The following ZNG1F variants were observed in gnomAD, a reference collection of about 807,000 sequenced individuals.
The protein encoded by ZNG1F is zinc-regulated GTPase metalloprotein activator 1F.
the ZNG1F span, among the ~76,000 whole-genome samples, chr9:41,160,569 CCCA>C: frequency 2.8e-5 from 4 of 142,070 alleles, no homozygotes; most frequent in Non-Finnish European, 6.2e-5. Flanking sequence ...ACTACAGGCG[CCCA>C]CCACCAGGCT....
chr9:41,195,476 G>A, the ZNG1F span, among the ~76,000 whole-genome samples: 2 of 96,574 alleles, frequency 2.1e-5, no homozygotes, highest in Admixed American at 1.3e-4. Flanking sequence ...ATGTTTTTAG[G>A]GGCTGTGACA....
chr9:41,164,181 T>C, the ZNG1F span: 1 of 28,922 alleles, frequency 3.5e-5, no homozygotes, highest in African/African-American at 7.1e-5. Context: ...CTCAAAGCAT[T>C]GTACACATTA....
the ZNG1F span, among the ~76,000 whole-genome samples, chr9:41,140,885 C>T: frequency 6.7e-6 from 1 of 149,988 alleles, no homozygotes; most frequent in Non-Finnish European, 1.5e-5. Context: ...GCCACCATGC[C>T]TGGCTAATTT....
At chr9:41,138,884 C>CT in the ZNG1F span, among the ~76,000 whole-genome samples, 62 of 132,338 alleles carry the variant, frequency 4.7e-4, 7 homozygotes, top group South Asian at 1.1e-3. Flanking sequence ...CTTCTTGTAT[C>CT]TTTTTTTTTT....
At chr9:41,195,089 C>T in the ZNG1F span, 29 of 55,624 alleles carry the variant, frequency 5.2e-4, no homozygotes, top group African/African-American at 1.7e-3. Context: ...ATTTTTGCAA[C>T]TTCCTGCAAA....
chr9:41,193,824 C>G, the ZNG1F span, among the ~76,000 whole-genome samples: 944 of 150,182 alleles, frequency 6.3e-3, no homozygotes, highest in African/African-American at 0.023. Flanking sequence ...TGCTTGAACC[C>G]GAAAGGTGAG....
At chr9:41,187,542 T>C in the ZNG1F span, among the ~76,000 whole-genome samples, 6 of 148,248 alleles carry the variant, frequency 4.0e-5, no homozygotes, top group African/African-American at 7.5e-5. Flanking sequence ...TTTTAACCCA[T>C]AGGGACGCCA....
chr9:41,172,044 G>T, the ZNG1F span: 1 of 75,624 alleles, frequency 1.3e-5, no homozygotes, highest in South Asian at 6.6e-5. Context: ...TAGGACCTTA[G>T]AAGTTAACAA....
chr9:41,152,360 T>C, the ZNG1F span, among the ~76,000 whole-genome samples: 4 of 149,720 alleles, frequency 2.7e-5, 1 homozygote, highest in East Asian at 3.9e-4. Context: ...AGCAAGTCCT[T>C]AGAGACCTAC....
chr9:41,164,922 A>G, the ZNG1F span: 1 of 1,404,928 alleles, frequency 7.1e-7, no homozygotes, highest in Non-Finnish European at 9.8e-7. Context: ...TTAAGTTTCT[A>G]CAGGGCAACA....
At chr9:41,139,658 A>C in the ZNG1F span, among the ~76,000 whole-genome samples, 1 of 151,836 alleles carries the variant, frequency 6.6e-6, no homozygotes, top group Non-Finnish European at 1.5e-5. Context: ...TGAACTTGCA[A>C]ATGTGAGACT....
the ZNG1F span, chr9:41,131,741 C>A: frequency 6.0e-6 from 2 of 332,240 alleles, no homozygotes; most frequent in Non-Finnish European, 1.0e-5. Flanking sequence ...GTGTTATGTA[C>A]AAACTTGATC....
chr9:41,131,869 T>TAC, the ZNG1F span: 1 of 371,308 alleles, frequency 2.7e-6, no homozygotes, highest in South Asian at 2.4e-5. Context: ...ATGACGTGAT[T>TAC]ACATTATGCT....
At chr9:41,155,190 C>T in the ZNG1F span, among the ~76,000 whole-genome samples, 21 of 151,402 alleles carry the variant, frequency 1.4e-4, no homozygotes, top group South Asian at 1.5e-3. Flanking sequence ...AAAAAGTGGG[C>T]GAAGGACATG....
the ZNG1F span, among the ~76,000 whole-genome samples, chr9:41,201,230 A>G: frequency 6.8e-6 from 1 of 147,376 alleles, no homozygotes; most frequent in Admixed American, 6.9e-5. Context: ...GCATGGGCAT[A>G]TATTAATATG....
At chr9:41,173,988 A>G in the ZNG1F span, among the ~76,000 whole-genome samples, 5 of 148,598 alleles carry the variant, frequency 3.4e-5, no homozygotes, top group African/African-American at 2.5e-5. Context: ...TTGGGAGGCC[A>G]AGGCTGGCGG....
At chr9:41,146,283 G>A in the ZNG1F span, among the ~76,000 whole-genome samples, 1 of 110,316 alleles carries the variant, frequency 9.1e-6, no homozygotes, top group Non-Finnish European at 1.9e-5. Flanking sequence ...CATTATAACT[G>A]CTCTTAAGTG....
At chr9:41,150,405 CGCCATTGCCCAG>C in the ZNG1F span, among the ~76,000 whole-genome samples, 1 of 143,364 alleles carries the variant, frequency 7.0e-6, no homozygotes, top group Non-Finnish European at 1.5e-5. Flanking sequence ...GAGGGGCGCC[CGCCATTGCCCAG>C]GCTTGCTTAG....
At chr9:41,155,207 C>T in the ZNG1F span, among the ~76,000 whole-genome samples, 1 of 151,270 alleles carries the variant, frequency 6.6e-6, no homozygotes, top group Non-Finnish European at 1.5e-5. Context: ...CATGAACAGA[C>T]ACTTCTCAAA....
Sources: gnomAD v4.1 joint callset for allele counts (sites outside exome capture counted in the v4.1 genomes callset) on GRCh38, gnomAD v4.1.1 for gene constraint, MANE v1.5 for transcripts, NCBI Gene and HGNC (gene_info 2026-07-23, HGNC 2026-07-21) for gene names.